Variants in VWF observed in about 807,000 individuals in gnomAD.
VWF encodes von Willebrand factor.
Under a neutral mutation model 308.6 loss-of-function variants are expected in VWF, and 176 were observed. The observed-to-expected ratio is 0.57, with a 90% CI of 0.50 to 0.65. The LOEUF is 0.65. Among genes scored for constraint, VWF ranks in the 30% least tolerant of loss-of-function variants. VWF has a pLI of 0.00. For synonymous variants in VWF, 1,385 were observed against 1,443.4 expected, an observed-to-expected ratio of 0.96 and a Z score of 0.92; for missense variants, 3,146 against 3,648.2, an observed-to-expected ratio of 0.86 and a Z score of 3.55.
At position 5,981,815 on chromosome 12, in the gene VWF, A is replaced by T. The variant is rs758495824; in HGVS notation, c.7258T>A (p.Cys2420Ser). Residue 2420 changes from cysteine (C) to serine (S), a missense_variant, in exon 42 of 52, where the codon TGT becomes AGT. By Grantham distance (112) the Cys-to-Ser change is moderately radical (BLOSUM62 -1). Coordinates refer to ENST00000261405, the MANE Select transcript of VWF (RefSeq NM_000552.5). ...LASTATNDCG[C>S]TTTTCLPDKV... ...TCGGGAAGGCAGGTGGTTGTGGTACAGCCACAGTCATTGGTGGCAGTTGAG... is the reference window on the plus strand; with the variant it reads ...TCGGGAAGGCAGGTGGTTGTGGTACTGCCACAGTCATTGGTGGCAGTTGAG... 6.2e-7 allele frequency: 1 copy of T among 1,614,198 alleles called. No individual in the cohort carries two copies. Among genetic ancestry groups the T allele is most frequent in the South Asian group, 1.1e-5 (1 of 91,074 alleles).
chr12:5,951,994 C>T (rs1943196968), intron 49 of VWF, 111 bp from the exon 50 acceptor site: 1 of 1,058,110 alleles, frequency 9.5e-7, no homozygotes, highest in Non-Finnish European at 1.5e-6. Context: ...TGCTTAAGTG[C>T]CCAGATGTAA....
chr12:6,040,599 T>C (rs1055690006), intron 18 of VWF, among the ~76,000 whole-genome samples: 2 of 152,146 alleles, frequency 1.3e-5, no homozygotes, highest in Non-Finnish European at 2.9e-5. Context: ...CTCACTTAAG[T>C]AGATGTTAGG....
intron 32 of VWF, among the ~76,000 whole-genome samples, chr12:6,012,340 A>G (rs1290451307): frequency 2.6e-5 from 4 of 152,244 alleles, no homozygotes. Context: ...GTTATTAATA[A>G]TTATGATGCC....
chr12:6,118,599 CT>C (rs1434199177), intron 3 of VWF, among the ~76,000 whole-genome samples: 1 of 151,850 alleles, frequency 6.6e-6, no homozygotes, highest in Non-Finnish European at 1.5e-5. Flanking sequence ...GTTGGCCAGG[CT>C]GGTCTCGATC....
intron 22 of VWF, among the ~76,000 whole-genome samples, chr12:6,027,883 C>CACA (rs71064184): frequency 2.0e-5 from 3 of 148,120 alleles, no homozygotes; most frequent in Middle Eastern, 3.4e-3. Context: ...CACACACACA[C>CACA]CCCTAAACAA....
chr12:6,110,426 C>A lies in VWF; in HGVS notation c.480G>T (p.Gly160=), dbSNP rs752329572. ...LSDRYFNKTC[G]LCGNFNIFAE... ...CAAAGATGTTAAAGTTGCCACACAG[C>A]CCGCAGGTCTTGTTGAAGTATCTGT... The change falls in exon 5 of 52, where the codon GGG becomes GGT. Residue 160 remains glycine, a synonymous_variant. Transcript: ENST00000261405. 5.0e-6 allele frequency: 8 copies of A among 1,614,204 alleles called. No individual in the cohort carries two copies. The highest frequency in any genetic ancestry group is 6.8e-6 in the Non-Finnish European group (8 of 1,180,042).
chr12:6,012,342 T>G (rs1591858144), intron 32 of VWF, among the ~76,000 whole-genome samples: 2 of 152,370 alleles, frequency 1.3e-5, no homozygotes, highest in East Asian at 3.9e-4. Flanking sequence ...TATTAATAAT[T>G]ATGATGCCAA....
At chr12:5,954,901 C>T (rs1462480332) in intron 47 of VWF, among the ~76,000 whole-genome samples, 5 of 152,182 alleles carry the variant, frequency 3.3e-5, no homozygotes, top group Non-Finnish European at 7.4e-5. Flanking sequence ...AACACTGTGT[C>T]TCAGGACTAA....
At chr12:5,977,805 G>A (rs1015488575) in intron 42 of VWF, among the ~76,000 whole-genome samples, 2 of 151,244 alleles carry the variant, frequency 1.3e-5, no homozygotes, top group Non-Finnish European at 2.9e-5. Context: ...AGGGGGTGGA[G>A]GCTGAAGTTA....
intron 13 of VWF, among the ~76,000 whole-genome samples, chr12:6,061,075 C>T (rs547892574): frequency 6.6e-5 from 10 of 152,122 alleles, no homozygotes; most frequent in African/African-American, 9.7e-5. Context: ...ATGGTGGGCA[C>T]CTGTAATCTC....
chr12:6,019,120 G>C lies in VWF; in HGVS notation c.4298C>G (p.Pro1433Arg). 6.2e-7 allele frequency: 1 copy of C among 1,613,890 alleles called. No individual in the cohort carries two copies. The highest frequency in any genetic ancestry group is 8.5e-7 in the Non-Finnish European group (1 of 1,179,842). ...KQIRLIEKQA[P>R]ENKAFVLSSV... ...GCTCAGCACGAAGGCCTTGTTCTCA[G>C]GGGCCTGCTTCTCGATGAGGCGGAT... The change falls in exon 28 of 52, where the codon CCT becomes CGT. Residue 1433 changes from proline (P) to arginine (R), a missense_variant. By Grantham distance (103) the Pro-to-Arg change is moderately radical. Coordinates refer to ENST00000261405, the MANE Select transcript of VWF (RefSeq NM_000552.5). This position sits in a 1 kb window ranked among gnomAD's most constrained non-coding sequence, Gnocchi z 5.8.
chr12:6,112,489 G>C (rs1168178417), intron 3 of VWF, among the ~76,000 whole-genome samples: 1 of 152,234 alleles, frequency 6.6e-6, no homozygotes, highest in Admixed American at 6.5e-5. Flanking sequence ...GGGGCAGCCA[G>C]AGAAAACAAA....
chr12:6,110,709 T>C, intron 4 of VWF, 127 bp from the exon 5 acceptor site: 1 of 1,314,038 alleles, frequency 7.6e-7, no homozygotes, highest in East Asian at 2.3e-5. Context: ...AGGACCTAGA[T>C]CAGCAATCGG....
intron 18 of VWF, among the ~76,000 whole-genome samples, chr12:6,039,653 G>A (rs1944376669): frequency 6.6e-6 from 1 of 152,190 alleles, no homozygotes; most frequent in African/African-American, 2.4e-5. Flanking sequence ...GCCCGACTGA[G>A]TGACAAATCA....
chr12:6,028,874 A>G (rs777478003), intron 22 of VWF, among the ~76,000 whole-genome samples: 66 of 152,236 alleles, frequency 4.3e-4, no homozygotes, highest in Non-Finnish European at 1.8e-4. Flanking sequence ...ATAACCAGCG[A>G]ACATCATAAT....
intron 6 of VWF, among the ~76,000 whole-genome samples, chr12:6,092,616 A>T (rs1489415831): frequency 9.3e-5 from 9 of 96,668 alleles, no homozygotes; most frequent in East Asian, 2.4e-4. Flanking sequence ...TGAGTGAGTG[A>T]GAGTGTGTGT....
At chr12:5,961,954 C>T (rs1943322705) in intron 47 of VWF, among the ~76,000 whole-genome samples, 1 of 148,734 alleles carries the variant, frequency 6.7e-6, no homozygotes, top group Non-Finnish European at 1.5e-5. Flanking sequence ...TGAATTTGTG[C>T]TGTTATTTAA....
chr12:6,110,601 G>A lies in VWF; in HGVS notation c.324-19C>T. On this transcript the variant is annotated intron_variant, in intron 4 of 51. Coordinates refer to ENST00000261405, the MANE Select transcript of VWF (RefSeq NM_000552.5). Reference sequence around the variant, plus strand: ...GGAGACTCTGGAGGGCAAAGGCTAAGTTCAGAAGTGGGCTTCTTGTGCATT... The same window carrying A: ...GGAGACTCTGGAGGGCAAAGGCTAAATTCAGAAGTGGGCTTCTTGTGCATT... The A allele has an allele frequency of 6.2e-7, 1 of 1,612,514 alleles. No individual in the cohort carries two copies. Among genetic ancestry groups the A allele is most frequent in the Non-Finnish European group, 8.5e-7 (1 of 1,178,610 alleles).
At chr12:6,109,876 T>A (rs1173635148) in intron 5 of VWF, among the ~76,000 whole-genome samples, 2 of 152,148 alleles carry the variant, frequency 1.3e-5, no homozygotes, top group Admixed American at 6.5e-5. Flanking sequence ...GGTCTCAATC[T>A]CCTGACCTCA....
Sources: gnomAD v4.1 joint callset for allele counts (sites outside exome capture counted in the v4.1 genomes callset) on GRCh38, gnomAD v4.1.1 for gene constraint, Gnocchi (gnomAD v3.1) non-coding constraint, MANE v1.5 for transcripts, NCBI Gene and HGNC (gene_info 2026-07-23, HGNC 2026-07-21) for gene names.